Variants in PCDH9 observed in about 807,000 individuals in gnomAD.
PCDH9 encodes the protein protocadherin-9.
Under a neutral mutation model 70.6 loss-of-function variants are expected in PCDH9, and 24 were observed. That is an observed-to-expected ratio of 0.34 (90% CI 0.25 to 0.48). The LOEUF (loss-of-function observed/expected upper bound fraction) is 0.48, where lower values mean the gene tolerates loss of function less well. Ranked by LOEUF, PCDH9 falls within the 20% of genes least tolerant of loss-of-function variation. The pLI is 0.99. For missense variants in PCDH9, 1,281 were observed against 1,503.6 expected, an observed-to-expected ratio of 0.85 and a Z score of 2.45; for synonymous variants, 562 against 558.5, an observed-to-expected ratio of 1.01 and a Z score of -0.09.
chr13:66,717,766 A>G (rs1224972083), intron 3 of PCDH9, among the ~76,000 whole-genome samples: 1 of 151,938 alleles, frequency 6.6e-6, no homozygotes, highest in Admixed American at 6.6e-5. Context: ...ATGTATTAAC[A>G]ATGTCAACTC....
chr13:67,143,573 A>AAAT (rs1268668999), intron 2 of PCDH9, among the ~76,000 whole-genome samples: 4 of 151,970 alleles, frequency 2.6e-5, no homozygotes, highest in South Asian at 2.1e-4. Flanking sequence ...GGTCTAGCCA[A>AAAT]AATAATAATA....
intron 3 of PCDH9, among the ~76,000 whole-genome samples, chr13:66,773,631 A>G (rs1039362780): frequency 6.6e-6 from 1 of 151,732 alleles, no homozygotes; most frequent in Admixed American, 6.6e-5. Context: ...CACCGTCTCA[A>G]AAAAATAAAT....
At chr13:66,382,874 T>C (rs560258238) in intron 4 of PCDH9, among the ~76,000 whole-genome samples, 3 of 151,986 alleles carry the variant, frequency 2.0e-5, no homozygotes, top group Non-Finnish European at 4.4e-5. Flanking sequence ...CTACTAAAAA[T>C]ACAAAAAATC....
chr13:66,429,994 T>C (rs1445574775), intron 4 of PCDH9, among the ~76,000 whole-genome samples: 1 of 152,070 alleles, frequency 6.6e-6, no homozygotes, highest in Non-Finnish European at 1.5e-5. Flanking sequence ...ACACTTTAAG[T>C]AGCCAAAAGA....
At chr13:66,825,516 T>C (rs186508282) in intron 3 of PCDH9, among the ~76,000 whole-genome samples, 145 of 151,060 alleles carry the variant, frequency 9.6e-4, no homozygotes, top group Non-Finnish European at 1.5e-3. Flanking sequence ...TTTGTATTTT[T>C]AGTAGAGACG....
At chr13:66,411,645 GGATAGATAGATAGATA>G (rs57986608) in intron 4 of PCDH9, among the ~76,000 whole-genome samples, 1 of 150,900 alleles carries the variant, frequency 6.6e-6, no homozygotes, top group African/African-American at 2.4e-5. Flanking sequence ...TATAGATGAT[GGATAGATAGATAGATA>G]GATAGATAGA....
chr13:67,073,102 C>G (rs2085801792), intron 2 of PCDH9, among the ~76,000 whole-genome samples: 1 of 152,056 alleles, frequency 6.6e-6, no homozygotes, highest in Admixed American at 6.6e-5. Context: ...AATAATCACA[C>G]AAGGAGCTAG....
intron 4 of PCDH9, among the ~76,000 whole-genome samples, chr13:66,552,754 T>C (rs1203221674): frequency 6.6e-6 from 1 of 151,996 alleles, no homozygotes; most frequent in Non-Finnish European, 1.5e-5. Context: ...TTTGTAGTAG[T>C]GAAAAGAAGA....
chr13:66,510,223 G>A (rs1328562322), intron 4 of PCDH9, among the ~76,000 whole-genome samples: 1 of 151,902 alleles, frequency 6.6e-6, no homozygotes, highest in East Asian at 1.9e-4. Context: ...CTACTGCATG[G>A]TTAGCATTTT....
chr13:66,860,812 C>G (rs1026883703), intron 3 of PCDH9, among the ~76,000 whole-genome samples: 8 of 152,190 alleles, frequency 5.3e-5, no homozygotes, highest in African/African-American at 1.9e-4. Flanking sequence ...AGCAGTCTCT[C>G]TGAAAGAAGC....
intron 2 of PCDH9, among the ~76,000 whole-genome samples, chr13:67,178,182 A>G (rs1049637535): frequency 6.6e-6 from 1 of 152,016 alleles, no homozygotes; most frequent in African/African-American, 2.4e-5. Flanking sequence ...TACCTTACCT[A>G]TCTGTATACC....
intron 4 of PCDH9, among the ~76,000 whole-genome samples, chr13:66,440,080 G>A (rs1017085637): frequency 2.6e-5 from 4 of 152,098 alleles, no homozygotes; most frequent in African/African-American, 4.8e-5. Flanking sequence ...ATCTTTAAAC[G>A]TGACATAATC....
chr13:66,369,168 G>A (rs772751482), intron 4 of PCDH9, among the ~76,000 whole-genome samples: 14 of 152,066 alleles, frequency 9.2e-5, no homozygotes, highest in Non-Finnish European at 2.1e-4. Flanking sequence ...TTAATTACAA[G>A]TGTTTTTAAG....
intron 4 of PCDH9, among the ~76,000 whole-genome samples, chr13:66,469,381 G>A (rs12430892): frequency 0.02 from 3,037 of 151,168 alleles, 114 homozygotes; most frequent in Admixed American, 0.097. Context: ...GGCAATTATT[G>A]TAGGAAGTAA....
At chr13:66,427,660 G>T (rs1957694922) in intron 4 of PCDH9, among the ~76,000 whole-genome samples, 1 of 151,556 alleles carries the variant, frequency 6.6e-6, no homozygotes, top group Non-Finnish European at 1.5e-5. Flanking sequence ...AAAACTTTTA[G>T]CCTCTTCCCA....
chr13:66,329,409 A>T (rs1161992970), intron 4 of PCDH9, among the ~76,000 whole-genome samples: 3 of 152,222 alleles, frequency 2.0e-5, no homozygotes, highest in Non-Finnish European at 4.4e-5. Flanking sequence ...GTGCAGATTC[A>T]ATTCAAGTAT....
chr13:67,057,752 T>C (rs1242628588), intron 2 of PCDH9, among the ~76,000 whole-genome samples: 1 of 152,136 alleles, frequency 6.6e-6, no homozygotes, highest in Non-Finnish European at 1.5e-5. Flanking sequence ...ATAGACATGA[T>C]ACTTAGCTTT....
At chr13:66,802,945 G>A (rs1032132943) in intron 3 of PCDH9, among the ~76,000 whole-genome samples, 1 of 152,058 alleles carries the variant, frequency 6.6e-6, no homozygotes, top group African/African-American at 2.4e-5. Flanking sequence ...AACTCTAACG[G>A]AATCACCTTT....
chr13:67,059,328 A>C (rs866203139), intron 2 of PCDH9, among the ~76,000 whole-genome samples: 1 of 143,846 alleles, frequency 7.0e-6, no homozygotes, highest in Non-Finnish European at 1.5e-5. Flanking sequence ...TAAAAAAAAA[A>C]ACAAATTTCA....
Sources: allele counts gnomAD v4.1 joint callset (sites outside exome capture counted in the v4.1 genomes callset), GRCh38; gene constraint gnomAD v4.1.1; transcripts MANE v1.5; gene names NCBI Gene and HGNC (gene_info 2026-07-23, HGNC 2026-07-21).